Variants in OR2L5 observed in about 807,000 individuals in gnomAD.
OR2L5 encodes olfactory receptor family 2 subfamily L member 5, also known as olfactory receptor 2L5.
For missense variants in OR2L5, 413 were observed against 381.6 expected (o/e 1.08, Z -0.69); for synonymous variants, 169 against 142.0 (o/e 1.19, Z -1.35).
rs574988692 is a variant in OR2L5, at chr1:248,021,811, G to A, written c.-21-116G>A. 400 of 623,952 alleles carry A rather than the reference G, an allele frequency of 6.4e-4. 1 individual carries two copies. Among genetic ancestry groups the A allele is most frequent in the Non-Finnish European group, 1.1e-3 (365 of 345,724 alleles). 38.7% of individuals were successfully genotyped at this position (623,952 alleles called of 1,614,324 possible). A position where few individuals can be genotyped will look rare whatever the true frequency, so the allele number is the denominator to read the frequency against. On this transcript the variant is annotated intron_variant, in intron 1 of 1. Coordinates refer to ENST00000355281, the MANE Select transcript of OR2L5 (RefSeq NM_001258284.2). ...CATATTGATGGATATAAAAAATAGTGTATATAGGGTTCAGTGTCAACTGCA... is the reference window on the plus strand; with the variant it reads ...CATATTGATGGATATAAAAAATAGTATATATAGGGTTCAGTGTCAACTGCA...
rs1228427468 is a variant in OR2L5, at chr1:248,013,677, C to G, written c.-83C>G. The stretch of plus-strand genomic sequence containing the variant: ...AAAAATGACTTTGTTCATATGATGA[C>G]TATACGACTGCTGGCAGCCAACAAA... On this transcript the variant is annotated 5_prime_UTR_variant, in exon 1 of 2. Coordinates refer to ENST00000355281, the MANE Select transcript of OR2L5 (RefSeq NM_001258284.2). 3.3e-5 allele frequency: 5 copies of G among 152,204 alleles called. 1 individual carries two copies. The East Asian group carries it at 5.8e-4, about 18-fold the overall frequency. The allele number at this position is 152,204 out of a possible 1,614,324, so 9.4% of individuals were successfully genotyped here.
chr1:248,015,848 G>T (rs1186392556), intron 1 of OR2L5, among the ~76,000 whole-genome samples: 7 of 152,138 alleles, frequency 4.6e-5, no homozygotes, highest in Non-Finnish European at 1.0e-4. Context: ...GCCATATTTT[G>T]TAATGAATAA....
Position 248,022,385 on chromosome 1 carries a change from A to G in OR2L5, c.438A>G (p.Gly146=), listed in dbSNP as rs760773705. 2 of 1,614,140 alleles carry G rather than the reference A, an allele frequency of 1.2e-6. No homozygotes were observed. Among genetic ancestry groups the G allele is most frequent in the Non-Finnish European group, 8.5e-7 (1 of 1,180,034 alleles). The change falls in exon 2 of 2, where the codon GGA becomes GGG. Residue 146 remains glycine, a synonymous_variant. Coordinates refer to ENST00000355281, the MANE Select transcript of OR2L5 (RefSeq NM_001258284.2). ...GAATGTATGTGCTGATGATAACAGGATCTTGGATGATAGGCTCCATCAACT... is the reference window on the plus strand; with the variant it reads ...GAATGTATGTGCTGATGATAACAGGGTCTTGGATGATAGGCTCCATCAACT... ...SKRMYVLMIT[G]SWMIGSINSC...
At position 248,022,686 on chromosome 1, in the gene OR2L5, G is replaced by A; in HGVS notation, c.739G>A (p.Val247Ile). Residue 247 changes from valine to isoleucine, a missense_variant, in exon 2 of 2, where the codon GTA becomes ATA. Coordinates refer to ENST00000355281, the MANE Select transcript of OR2L5 (RefSeq NM_001258284.2). ...YSTCSTHLTVVTFYYAPFAYT... is the reference protein window; with the variant it reads ...YSTCSTHLTVITFYYAPFAYT... ...GACCTGCAGCACCCACCTCACTGTA[G>A]TAACTTTCTACTATGCACCCTTTGC... 1 of 1,614,112 alleles carries A rather than the reference G, an allele frequency of 6.2e-7. No homozygotes were observed. Among genetic ancestry groups the A allele is most frequent in the Non-Finnish European group, 8.5e-7 (1 of 1,179,998 alleles).
At chr1:248,018,700 C>T (rs1218257510) in intron 1 of OR2L5, among the ~76,000 whole-genome samples, 3 of 152,132 alleles carry the variant, frequency 2.0e-5, no homozygotes, top group Non-Finnish European at 2.9e-5. Context: ...AGTTCTGTGG[C>T]ATTAAGGACA....
At chr1:248,018,872 G>C (rs138795150) in intron 1 of OR2L5, among the ~76,000 whole-genome samples, 43 of 152,240 alleles carry the variant, frequency 2.8e-4, no homozygotes, top group African/African-American at 8.4e-4. Context: ...GACTACTCTG[G>C]ATACTTCATG....
intron 1 of OR2L5, among the ~76,000 whole-genome samples, chr1:248,019,471 T>A (rs2103076143): frequency 6.6e-6 from 1 of 152,286 alleles, no homozygotes; most frequent in Admixed American, 6.5e-5. Flanking sequence ...AGAACTTCAT[T>A]TTGGCACTGA....
Position 248,022,587 on chromosome 1 carries a change from G to C in OR2L5, c.640G>C (p.Ala214Pro), listed in dbSNP as rs1039470017. The part of the protein sequence containing the change: ...IFLVFPFTGI[A>P]CSYGWVLLAV... ...TCTTGTGTTTCCCTTCACTGGCATTGCGTGTTCCTATGGCTGGGTTCTCCT... is the reference window on the plus strand; with the variant it reads ...TCTTGTGTTTCCCTTCACTGGCATTCCGTGTTCCTATGGCTGGGTTCTCCT... Residue 214 changes from alanine to proline, a missense_variant, in exon 2 of 2, where the codon GCG becomes CCG. By Grantham distance (27) the Ala-to-Pro change is conservative. Coordinates refer to ENST00000355281, the MANE Select transcript of OR2L5 (RefSeq NM_001258284.2). 1 of 1,614,034 alleles carries C rather than the reference G, an allele frequency of 6.2e-7. No homozygotes were observed. Among genetic ancestry groups the C allele is most frequent in the Non-Finnish European group, 8.5e-7 (1 of 1,180,046 alleles).
chr1:248,020,573 T>A (rs1662311584), intron 1 of OR2L5, among the ~76,000 whole-genome samples: 1 of 152,030 alleles, frequency 6.6e-6, no homozygotes, highest in African/African-American at 2.4e-5. Context: ...CCACAGTAAC[T>A]GGAGAATTGT....
intron 1 of OR2L5, among the ~76,000 whole-genome samples, chr1:248,021,324 G>C (rs1432996109): frequency 1.3e-5 from 2 of 152,122 alleles, no homozygotes; most frequent in Non-Finnish European, 2.9e-5. Flanking sequence ...TCATCTAAGA[G>C]TTATAAAGTT....
At chr1:248,021,133 G>T (rs948497333) in intron 1 of OR2L5, among the ~76,000 whole-genome samples, 4 of 151,942 alleles carry the variant, frequency 2.6e-5, no homozygotes, top group Non-Finnish European at 5.9e-5. Flanking sequence ...ATATGATCTT[G>T]ATTACATCTG....
chr1:248,019,754 CCTTCTT>C (rs555504564), intron 1 of OR2L5, among the ~76,000 whole-genome samples: 3,210 of 138,980 alleles, frequency 0.023, 123 homozygotes, highest in African/African-American at 0.082. Flanking sequence ...TTCTCCTTCT[CCTTCTT>C]CTTCTTCTTT....
intron 1 of OR2L5, among the ~76,000 whole-genome samples, chr1:248,021,470 T>A (rs1572676903): frequency 6.6e-6 from 1 of 152,318 alleles, no homozygotes; most frequent in African/African-American, 2.4e-5. Context: ...CTGAAAATAT[T>A]GGGTGGAAAA....
intron 1 of OR2L5, among the ~76,000 whole-genome samples, chr1:248,014,169 T>A (rs991394856): frequency 2.0e-5 from 3 of 152,156 alleles, no homozygotes; most frequent in Non-Finnish European, 2.9e-5. Context: ...TATAATAATC[T>A]TATTGCTGTT....
Position 248,023,047 on chromosome 1 carries a change from G to A in OR2L5, c.*161G>A. 1.6e-6 allele frequency: 1 copy of A among 629,962 alleles called. No individual in the cohort carries two copies. The highest frequency in any genetic ancestry group is 2.6e-6 in the Non-Finnish European group (1 of 385,886). The allele number at this position is 629,962 out of a possible 1,614,324, so 39.0% of individuals were successfully genotyped here. On this transcript the variant is annotated 3_prime_UTR_variant, in exon 2 of 2. Transcript: ENST00000355281. ...TTGACATTATAGTTGCATATTCTAA[G>A]ACATCTATTTTGTTTCTGTTTGTGT...
chr1:248,016,091 A>G (rs888121220), intron 1 of OR2L5, among the ~76,000 whole-genome samples: 4 of 152,184 alleles, frequency 2.6e-5, no homozygotes, highest in African/African-American at 4.8e-5. Context: ...TTTGTCTTCT[A>G]TGAATATGTG....
rs181791915 is a variant in OR2L5, at chr1:248,016,849, C to G, written c.-22+3111C>G. Among the ~76,000 whole-genome samples, 6 of 151,940 alleles carry G rather than the reference C, an allele frequency of 3.9e-5. No individual in the cohort carries two copies. The East Asian group carries it at 1.2e-3, about 29-fold the overall frequency. ...TGTTTGTGTGTGATGTAGAGAAGTTCACTTACAACCCCTGAATCTCAATTT... is the reference window on the plus strand; with the variant it reads ...TGTTTGTGTGTGATGTAGAGAAGTTGACTTACAACCCCTGAATCTCAATTT... On this transcript the variant is annotated intron_variant, in intron 1 of 1. Coordinates refer to ENST00000355281, the MANE Select transcript of OR2L5 (RefSeq NM_001258284.2).
At chr1:248,015,384 G>A (rs2103072586) in intron 1 of OR2L5, among the ~76,000 whole-genome samples, 1 of 152,208 alleles carries the variant, frequency 6.6e-6, no homozygotes, top group East Asian at 1.9e-4. Context: ...ACTCTTCTGT[G>A]TCATCTGATT....
intron 1 of OR2L5, 63 bp downstream of exon 1, chr1:248,013,801 G>A (rs182372368): frequency 7.2e-5 from 11 of 152,160 alleles, no homozygotes; most frequent in African/African-American, 2.6e-4. Context: ...ACTCTGGCAA[G>A]CGCTTAAGAG....
Sources: allele counts gnomAD v4.1 joint callset (sites outside exome capture counted in the v4.1 genomes callset), GRCh38; gene constraint gnomAD v4.1.1; transcripts MANE v1.5; gene names NCBI Gene and HGNC (gene_info 2026-07-23, HGNC 2026-07-21).